Variants in PLBD2 observed in about 807,000 individuals in gnomAD.
PLBD2 encodes the protein putative aminopeptidase PLBD2.
In PLBD2, 51 loss-of-function variants were observed where a neutral mutation model predicts 68.3. The observed-to-expected ratio is 0.75, with a 90% CI of 0.60 to 0.94. The LOEUF (loss-of-function observed/expected upper bound fraction) is 0.94, where lower values mean the gene tolerates loss of function less well. Ranked by LOEUF, PLBD2 falls within the 40% of genes least tolerant of loss-of-function variation. The probability of loss-of-function intolerance (pLI) is 0.00; values close to 1 mark genes in which losing one functional copy is unlikely to be tolerated. For synonymous variants in PLBD2, 314 were observed against 339.3 expected (o/e 0.93, Z 0.82); for missense variants, 729 against 792.2 (o/e 0.92, Z 0.96).
At chr12:113,387,654 C>A in intron 10 of PLBD2, 90 bp from the exon 11 acceptor site, 3 of 1,395,748 alleles carry the variant, frequency 2.1e-6, no homozygotes, top group South Asian at 2.5e-5. Flanking sequence ...AGGCTGGCAG[C>A]TGTTAACGGG....
chr12:113,383,073 T>C (rs1341143969), intron 6 of PLBD2, among the ~76,000 whole-genome samples: 1 of 152,078 alleles, frequency 6.6e-6, no homozygotes, highest in Non-Finnish European at 1.5e-5. Context: ...TCAAATATGC[T>C]GAAGGCAGCC....
intron 1 of PLBD2, among the ~76,000 whole-genome samples, 192 bp downstream of exon 1, chr12:113,359,082 C>T (rs999846533): frequency 1.5e-4 from 23 of 152,256 alleles, no homozygotes; most frequent in Non-Finnish European, 2.2e-4. Context: ...CTGCGGCATC[C>T]CTCACCTCAT....
chr12:113,374,727 C>T, intron 4 of PLBD2, 66 bp from the exon 5 acceptor site: 1 of 1,576,060 alleles, frequency 6.3e-7, no homozygotes, highest in Non-Finnish European at 8.7e-7. Context: ...TTCTCCTCTG[C>T]AAAATGAGTA....
chr12:113,387,157 T>G, intron 10 of PLBD2, 68 bp downstream of exon 10: 1 of 1,485,466 alleles, frequency 6.7e-7, no homozygotes, highest in Non-Finnish European at 8.9e-7. Context: ...CCTGTGCGCT[T>G]TTTGTACCAA....
intron 1 of PLBD2, among the ~76,000 whole-genome samples, chr12:113,360,727 C>T (rs184151339): frequency 1.5e-4 from 23 of 152,366 alleles, no homozygotes; most frequent in Admixed American, 1.5e-3. Context: ...ACGATATTGG[C>T]TCACTGCAAC....
rs896807236 is a variant in PLBD2, at chr12:113,374,593, G to C, written c.644+19G>C. On this transcript the variant is annotated intron_variant, in intron 4 of 11. Coordinates refer to ENST00000280800, the MANE Select transcript of PLBD2 (RefSeq NM_173542.4). ...GGTTCCTGTAAGTGCCACCCCCAGAGTGAACAGGGTGGGAAGAAGGGCCAC... is the reference window on the plus strand; with the variant it reads ...GGTTCCTGTAAGTGCCACCCCCAGACTGAACAGGGTGGGAAGAAGGGCCAC... The C allele has an allele frequency of 1.3e-6, 2 of 1,567,048 alleles. No individual in the cohort carries two copies. Among genetic ancestry groups the C allele is most frequent in the Non-Finnish European group, 1.7e-6 (2 of 1,150,900 alleles).
At chr12:113,369,012 C>T (rs188002384) in intron 1 of PLBD2, 104 bp from the exon 2 acceptor site, 14 of 691,798 alleles carry the variant, frequency 2.0e-5, no homozygotes, top group African/African-American at 1.4e-4. Flanking sequence ...TTCACGTGCA[C>T]GTCTACTGAC....
At chr12:113,388,336 CAAAA>C in intron 11 of PLBD2, 119 bp from the exon 12 acceptor site, 7 of 812,984 alleles carry the variant, frequency 8.6e-6, no homozygotes, top group Non-Finnish European at 1.2e-5. Flanking sequence ...AGCAGAGACT[CAAAA>C]AAAAAAAAAG....
At chr12:113,379,564 A>AT (rs1957466651) in intron 5 of PLBD2, among the ~76,000 whole-genome samples, 4 of 152,312 alleles carry the variant, frequency 2.6e-5, no homozygotes, top group Admixed American at 2.6e-4. Context: ...CTCCAGCATA[A>AT]GCGTGAGGTC....
At chr12:113,380,891 G>T in intron 6 of PLBD2, 49 bp downstream of exon 6, 3 of 1,504,140 alleles carry the variant, frequency 2.0e-6, no homozygotes, top group Non-Finnish European at 2.7e-6. Flanking sequence ...TTTGTCACAC[G>T]GCGGCTCTGA....
At chr12:113,375,883 T>A (rs1957434437) in intron 5 of PLBD2, among the ~76,000 whole-genome samples, 1 of 152,226 alleles carries the variant, frequency 6.6e-6, no homozygotes, top group Non-Finnish European at 1.5e-5. Context: ...AGACAGAATC[T>A]TGCTCTGGTG....
Position 113,384,737 on chromosome 12 carries a change from G to C in PLBD2, c.1119-114G>C, listed in dbSNP as rs1593291245. 3.7e-6 allele frequency: 3 copies of C among 801,308 alleles called. No homozygotes were observed. The East Asian group carries it at 8.0e-5, about 21-fold the overall frequency. The allele number at this position is 801,308 out of a possible 1,614,324, so 49.6% of individuals were successfully genotyped here. ...CGTCAGGGTGTCAGTTGAATGGCTG[G>C]ACAACCCCAGGCCCACTTCCTGTAA... On this transcript the variant is annotated intron_variant, in intron 7 of 11. Transcript: ENST00000280800. The surrounding 1 kb of genome is among the most constrained non-coding windows in gnomAD (Gnocchi z 4.2).
At position 113,369,169 on chromosome 12, in the gene PLBD2, C is replaced by T. The variant is rs1346929485; in HGVS notation, c.344C>T (p.Ala115Val). 8 of 1,607,480 alleles carry T rather than the reference C, an allele frequency of 5.0e-6. No homozygotes were observed. The highest frequency in any genetic ancestry group is 6.8e-6 in the Non-Finnish European group (8 of 1,177,164). The change falls in exon 2 of 12, where the codon GCC becomes GTC. Residue 115 changes from alanine (A) to valine (V), a missense_variant. Physicochemically the swap from Ala to Val is moderately conservative, Grantham distance 64. Transcript: ENST00000280800. ...GGCCAATACAATGACAGCTTGCAGG[C>T]CTATGCAGCCGGTGTGGTGGAGGCT... ...TSGQYNDSLQ[A>V]YAAGVVEAAV...
intron 2 of PLBD2, among the ~76,000 whole-genome samples, chr12:113,371,574 C>T (rs922398140): frequency 2.6e-5 from 4 of 152,198 alleles, no homozygotes; most frequent in African/African-American, 4.8e-5. Flanking sequence ...GAATGAGACA[C>T]GGTTCAGTCT....
rs1957398315 is a variant in PLBD2, at chr12:113,372,580, G to A, written c.385-69G>A. ...CAGCCTCCGCTCTGGGGCAGCCTGG[G>A]TGGGGGGCTCTCAGGGAAGAGAGCA... On this transcript the variant is annotated intron_variant, in intron 2 of 11. Coordinates refer to ENST00000280800, the MANE Select transcript of PLBD2 (RefSeq NM_173542.4). This position sits in a 1 kb window ranked among gnomAD's most constrained non-coding sequence, Gnocchi z 4.2. 6.5e-7 allele frequency: 1 copy of A among 1,537,798 alleles called. No homozygotes were observed. Among genetic ancestry groups the A allele is most frequent in the South Asian group, 1.2e-5 (1 of 84,460 alleles).
chr12:113,361,462 C>T (rs1957296576), intron 1 of PLBD2, among the ~76,000 whole-genome samples: 1 of 151,216 alleles, frequency 6.6e-6, no homozygotes, highest in Admixed American at 6.6e-5. Context: ...ACCTCGGCCT[C>T]CCAAGTAGCT....
intron 1 of PLBD2, among the ~76,000 whole-genome samples, chr12:113,363,541 T>A (rs1347346293): frequency 6.7e-6 from 1 of 148,794 alleles, no homozygotes; most frequent in Non-Finnish European, 1.5e-5. Context: ...TTTTAGCTTT[T>A]TTTTTTTTTT....
Position 113,389,295 on chromosome 12 carries a change from A to G in PLBD2, c.*669A>G, listed in dbSNP as rs879456059. On this transcript the variant is annotated 3_prime_UTR_variant, in exon 12 of 12. Transcript: ENST00000280800. ...ATGCTTCTGCCTCAGGCCCCACCCC[A>G]CCCCACCCCAGGCCTGCCCCTCACC... is the stretch of plus-strand genomic sequence containing the variant. 1.7e-5 allele frequency: 2 copies of G among 117,548 alleles called. No homozygotes were observed. Among genetic ancestry groups the G allele is most frequent in the Non-Finnish European group, 3.8e-5 (2 of 53,230 alleles). 7.3% of individuals were successfully genotyped at this position (117,548 alleles called of 1,614,324 possible). A position where few individuals can be genotyped will look rare whatever the true frequency, so the allele number is the denominator to read the frequency against.
chr12:113,378,203 A>G (rs1192310186), intron 5 of PLBD2, among the ~76,000 whole-genome samples: 1 of 152,048 alleles, frequency 6.6e-6, no homozygotes, highest in Non-Finnish European at 1.5e-5. Context: ...GAGGCCCCAG[A>G]ATTGCTTGAA....
Sources: allele counts gnomAD v4.1 joint callset (sites outside exome capture counted in the v4.1 genomes callset), GRCh38; gene constraint gnomAD v4.1.1; non-coding constraint Gnocchi (gnomAD v3.1); transcripts MANE v1.5; gene names NCBI Gene and HGNC (gene_info 2026-07-23, HGNC 2026-07-21).